Variants in HGSNAT observed in about 807,000 individuals in gnomAD.
HGSNAT encodes transmembrane protein 76.
Under a neutral mutation model 85.2 loss-of-function variants are expected in HGSNAT, and 59 were observed. That is an observed-to-expected ratio of 0.69 (90% CI 0.56 to 0.86). The LOEUF is 0.86. Ranked by LOEUF, HGSNAT falls within the 40% of genes least tolerant of loss-of-function variation. The pLI, the probability that HGSNAT is intolerant of heterozygous loss-of-function variation, is 0.00. For missense variants in HGSNAT, 756 were observed against 777.1 expected (o/e 0.97, Z 0.32); for synonymous variants, 321 against 304.5 (o/e 1.05, Z -0.56).
At chr8:43,140,695 C>A in intron 1 of HGSNAT, 81 bp downstream of exon 1, 1 of 659,032 alleles carries the variant, frequency 1.5e-6, no homozygotes, top group Non-Finnish European at 2.0e-6. Context: ...TATCTCCGTG[C>A]GCGGCGCCGA....
At chr8:43,150,111 C>T (rs966014798) in intron 2 of HGSNAT, among the ~76,000 whole-genome samples, 9 of 152,018 alleles carry the variant, frequency 5.9e-5, no homozygotes, top group Non-Finnish European at 1.0e-4. Context: ...CGCCCGCCAC[C>T]GCACCCAGTA....
At chr8:43,193,658 C>G in intron 13 of HGSNAT, 99 bp from the exon 14 acceptor site, 1 of 714,400 alleles carries the variant, frequency 1.4e-6, no homozygotes, top group Non-Finnish European at 2.4e-6. Context: ...AAAACCATGA[C>G]ATACTGGAGT....
At chr8:43,193,484 G>C (rs1183585611) in intron 13 of HGSNAT, among the ~76,000 whole-genome samples, 1 of 152,230 alleles carries the variant, frequency 6.6e-6, no homozygotes, top group Non-Finnish European at 1.5e-5. Flanking sequence ...CCTGGAGCCA[G>C]CGCTGTTTGC....
chr8:43,149,545 G>T lies in HGSNAT; in HGVS notation c.234+2482G>T, dbSNP rs545306265. 2.5e-3 allele frequency among the ~76,000 whole-genome samples: 379 copies of T among 151,884 alleles called. 2 individuals are homozygous for T. The highest frequency in any genetic ancestry group is 0.011 in the South Asian group (52 of 4,798). ...AACCCCGTCTCTACTGAAAAAATAC[G>T]AAAAGTTAGCCAGGCATGGTGGCGG... On this transcript the variant is annotated intron_variant, in intron 2 of 17. Transcript: ENST00000379644.
chr8:43,173,673 T>G (rs917713128), intron 8 of HGSNAT, 40 bp from the exon 9 acceptor site: 1 of 1,607,396 alleles, frequency 6.2e-7, no homozygotes, highest in Non-Finnish European at 8.5e-7. Flanking sequence ...GTATTTGTAT[T>G]CTAGAGTCCT....
rs1329109737 is a variant in HGSNAT at position 43,200,601 on chromosome 8, G to A, written c.*1032G>A. 6.6e-6 allele frequency: 1 copy of A among 152,498 alleles called. No homozygotes were observed. The highest frequency in any genetic ancestry group is 1.5e-5 in the Non-Finnish European group (1 of 68,044). 9.4% of individuals were successfully genotyped at this position (152,498 alleles called of 1,614,324 possible). On this transcript the variant is annotated 3_prime_UTR_variant, in exon 18 of 18. Coordinates refer to ENST00000379644, the MANE Select transcript of HGSNAT (RefSeq NM_152419.3). ...AAGATGATCCTCCACAATGGAGGCA[G>A]CGTTCCTACTTGTCATCACACAGCT...
At chr8:43,191,444 C>T (rs1804523427) in intron 11 of HGSNAT, 30 bp from the exon 12 acceptor site, 6 of 1,605,774 alleles carry the variant, frequency 3.7e-6, no homozygotes, top group Non-Finnish European at 5.1e-6. Flanking sequence ...ATTTAGTTCA[C>T]CCGTGTTTTA....
Position 43,153,468 on chromosome 8 carries a change from C to T in HGSNAT, c.235-5107C>T, listed in dbSNP as rs1054653109. Among the ~76,000 whole-genome samples, 4 of 152,066 alleles carry T rather than the reference C, an allele frequency of 2.6e-5. No homozygotes were observed. The South Asian group carries it at 8.3e-4, about 32-fold the overall frequency. ...TCGGCCTCCCAAAGTGCTAGGATTACAGGTGTGAGCCACCGTGCCCAGCCA... is the reference window on the plus strand; with the variant it reads ...TCGGCCTCCCAAAGTGCTAGGATTATAGGTGTGAGCCACCGTGCCCAGCCA... On this transcript the variant is annotated intron_variant, in intron 2 of 17. Coordinates refer to ENST00000379644, the MANE Select transcript of HGSNAT (RefSeq NM_152419.3).
chr8:43,170,440 A>C (rs1268877984), intron 6 of HGSNAT, 145 bp from the exon 7 acceptor site: 1 of 713,570 alleles, frequency 1.4e-6, no homozygotes. Flanking sequence ...AGGTCTTGCC[A>C]TTGCACTCCA....
chr8:43,197,381 A>G (rs1586757606), intron 15 of HGSNAT: 5 of 536,234 alleles, frequency 9.3e-6, no homozygotes, highest in Non-Finnish European at 1.6e-5. Context: ...TGCAAGGTTG[A>G]CTGTTTGTTC....
At chr8:43,170,054 C>T (rs190252838) in intron 6 of HGSNAT, among the ~76,000 whole-genome samples, 1 of 152,088 alleles carries the variant, frequency 6.6e-6, no homozygotes, top group Non-Finnish European at 1.5e-5. Flanking sequence ...CTCTTGGGCT[C>T]AAGAGATTTG....
At chr8:43,184,556 G>A (rs552578535) in intron 11 of HGSNAT, among the ~76,000 whole-genome samples, 2 of 152,162 alleles carry the variant, frequency 1.3e-5, no homozygotes, top group African/African-American at 4.8e-5. Context: ...AGATGGGTAG[G>A]TTGTAAAACT....
intron 2 of HGSNAT, among the ~76,000 whole-genome samples, chr8:43,151,782 T>G (rs1387168712): frequency 6.6e-6 from 1 of 152,242 alleles, no homozygotes; most frequent in Non-Finnish European, 1.5e-5. Flanking sequence ...TTGCAGCTAC[T>G]GTTTCCTGAG....
chr8:43,156,538 G>T (rs1313744791), intron 2 of HGSNAT, among the ~76,000 whole-genome samples: 1 of 152,142 alleles, frequency 6.6e-6, no homozygotes, highest in Non-Finnish European at 1.5e-5. Flanking sequence ...TCATGGATTT[G>T]TACAGTTTCC....
Position 43,146,956 on chromosome 8 carries a change from A to C in HGSNAT, c.127A>C (p.Lys43Gln). Residue 43 changes from lysine (K) to glutamine (Q), a missense_variant, in exon 2 of 18, where the codon AAA becomes CAA. Lys to Gln is a moderately conservative substitution (Grantham distance 53, BLOSUM62 1). Coordinates refer to ENST00000379644, the MANE Select transcript of HGSNAT (RefSeq NM_152419.3). The part of the protein sequence containing the change: ...AQAAPPRDLD[K>Q]KRHAELKMDQ... Reference sequence around the variant, plus strand: ...TTCCTAATTTCTACCAGACTTAGACAAAAAAAGACATGCAGAGCTGAAGAT... The same window carrying C: ...TTCCTAATTTCTACCAGACTTAGACCAAAAAAGACATGCAGAGCTGAAGAT... 1 of 1,585,350 alleles carries C rather than the reference A, an allele frequency of 6.3e-7. No individual in the cohort carries two copies. The highest frequency in any genetic ancestry group is 8.6e-7 in the Non-Finnish European group (1 of 1,166,044).
At chr8:43,195,542 AGT>A (rs1804680819) in intron 14 of HGSNAT, among the ~76,000 whole-genome samples, 1 of 90,956 alleles carries the variant, frequency 1.1e-5, no homozygotes, top group Admixed American at 1.1e-4. Context: ...AGGAGGAGGG[AGT>A]AGAGGAGGAG....
chr8:43,171,696 T>G (rs1803630132), intron 7 of HGSNAT, among the ~76,000 whole-genome samples: 1 of 152,204 alleles, frequency 6.6e-6, no homozygotes, highest in South Asian at 2.1e-4. Context: ...TCTTTTAGAT[T>G]TCCATTGCTA....
intron 17 of HGSNAT, 103 bp downstream of exon 17, chr8:43,198,055 A>G (rs1418738817): frequency 1.3e-6 from 1 of 782,338 alleles, no homozygotes; most frequent in African/African-American, 1.7e-5. Flanking sequence ...CCACTGCCCT[A>G]GCGGCAGGTG....
intron 2 of HGSNAT, among the ~76,000 whole-genome samples, chr8:43,152,025 A>G (rs1344837074): frequency 6.6e-6 from 1 of 152,228 alleles, no homozygotes; most frequent in African/African-American, 2.4e-5. Flanking sequence ...GCAGTGGTTC[A>G]TACGTCTAAT....
Sources: gnomAD v4.1 joint callset for allele counts (sites outside exome capture counted in the v4.1 genomes callset) on GRCh38, gnomAD v4.1.1 for gene constraint, MANE v1.5 for transcripts, NCBI Gene and HGNC (gene_info 2026-07-23, HGNC 2026-07-21) for gene names.